ALG5: variants seen among roughly 807,000 people sequenced by gnomAD.
ALG5 encodes the protein dolichyl-phosphate beta-glucosyltransferase.
In ALG5, 26 loss-of-function variants were observed where a neutral mutation model predicts 51.8. The ratio of observed to expected loss-of-function variants is 0.50; its 90% CI spans 0.37 to 0.70. The LOEUF is 0.70. ALG5 is among the 30% of genes least tolerant of loss of function. The pLI is 0.00. For missense variants in ALG5, 311 were observed against 399.3 expected (o/e 0.78, Z 1.88); for synonymous variants, 141 against 136.1 (o/e 1.04, Z -0.25).
intron 6 of ALG5, among the ~76,000 whole-genome samples, chr13:36,977,220 A>ATATC (rs1371865195): frequency 6.6e-6 from 1 of 152,242 alleles, no homozygotes. Context: ...GAAATGAAAG[A>ATATC]TATCTTTGTT....
At chr13:36,992,143 G>C (rs916680212) in intron 4 of ALG5, among the ~76,000 whole-genome samples, 1 of 152,188 alleles carries the variant, frequency 6.6e-6, no homozygotes, top group African/African-American at 2.4e-5. Flanking sequence ...TATTATCTAA[G>C]CCACTCTATG....
At chr13:36,972,118 T>C in intron 6 of ALG5, 82 bp from the exon 7 acceptor site, 1 of 1,111,774 alleles carries the variant, frequency 9.0e-7, no homozygotes, top group East Asian at 2.6e-5. Flanking sequence ...ATATCTCATT[T>C]TTAGAAACTG....
chr13:36,963,104 A>G (rs1204289945), intron 8 of ALG5, among the ~76,000 whole-genome samples: 1 of 152,060 alleles, frequency 6.6e-6, no homozygotes, highest in Admixed American at 6.5e-5. Context: ...ACACCACCAC[A>G]CCAAGCTAAT....
intron 4 of ALG5, among the ~76,000 whole-genome samples, chr13:36,991,061 T>C (rs1410719141): frequency 2.0e-5 from 3 of 152,246 alleles, no homozygotes; most frequent in South Asian, 4.1e-4. Flanking sequence ...TATCATAGCA[T>C]AGGAGATCCT....
At chr13:36,957,667 C>T (rs965854152) in intron 8 of ALG5, among the ~76,000 whole-genome samples, 1 of 152,106 alleles carries the variant, frequency 6.6e-6, no homozygotes, top group Non-Finnish European at 1.5e-5. Flanking sequence ...AAACTCTCCC[C>T]AAAAAGCGGG....
At chr13:36,973,650 A>C (rs2058936677) in intron 6 of ALG5, among the ~76,000 whole-genome samples, 1 of 152,258 alleles carries the variant, frequency 6.6e-6, no homozygotes, top group Admixed American at 6.5e-5. Flanking sequence ...CAAAACTAAA[A>C]GACAAAAAAA....
chr13:36,950,835 C>T (rs2058814998), intron 9 of ALG5, among the ~76,000 whole-genome samples: 1 of 152,084 alleles, frequency 6.6e-6, no homozygotes, highest in Non-Finnish European at 1.5e-5. Context: ...ATCCTCCCAA[C>T]TTAGGCTCCC....
At chr13:36,960,352 T>C (rs1267283894) in intron 8 of ALG5, among the ~76,000 whole-genome samples, 1 of 151,812 alleles carries the variant, frequency 6.6e-6, no homozygotes, top group Admixed American at 6.6e-5. Context: ...CACAAAGAAA[T>C]AGCAAAAAAC....
chr13:36,977,802 A>C (rs1344195795), intron 6 of ALG5, among the ~76,000 whole-genome samples: 4 of 147,032 alleles, frequency 2.7e-5, no homozygotes, highest in South Asian at 2.2e-4. Context: ...AAAAAAAAAA[A>C]AAAAAAAAAA....
At chr13:36,983,894 A>G (rs2058990545) in intron 6 of ALG5, among the ~76,000 whole-genome samples, 1 of 151,958 alleles carries the variant, frequency 6.6e-6, no homozygotes, top group Non-Finnish European at 1.5e-5. Context: ...TTCTAGAAGG[A>G]TATGCAGTGA....
chr13:36,976,663 G>A (rs1363868484), intron 6 of ALG5, among the ~76,000 whole-genome samples: 4 of 151,694 alleles, frequency 2.6e-5, no homozygotes, highest in African/African-American at 4.8e-5. Context: ...CAGGAGAATC[G>A]CTTGAACCTG....
chr13:36,951,234 T>C (rs2058816662), intron 9 of ALG5, among the ~76,000 whole-genome samples: 1 of 152,172 alleles, frequency 6.6e-6, no homozygotes, highest in Non-Finnish European at 1.5e-5. Flanking sequence ...AGAGTCTAGG[T>C]TGGCCAAAGA....
rs750528515 is a variant in ALG5, at chr13:36,999,305, C to A, written c.-5G>T. The A allele has an allele frequency of 6.4e-7, 1 of 1,570,004 alleles. No individual in the cohort carries two copies. The highest frequency in any genetic ancestry group is 1.2e-5 in the South Asian group (1 of 86,628). On this transcript the variant is annotated 5_prime_UTR_variant, in exon 1 of 10. An upstream start codon of the reference 5' UTR is lost. Transcript: ENST00000239891. ...CTGCAACAGAAGCGGAGCCATTCTC[C>A]ATGCCGTGGCAGCCCGCCCAATCCC...
At position 36,978,077 on chromosome 13, in the gene ALG5, G is replaced by A. The variant is rs538793675; in HGVS notation, c.562-6041C>T. ...AATTTTTTGTATTTTTAGTAGAGAC[G>A]GGGTTTCACCATGTTAGCCAGGATG... On this transcript the variant is annotated intron_variant, in intron 6 of 9. Coordinates refer to ENST00000239891, the MANE Select transcript of ALG5 (RefSeq NM_013338.5). Among the ~76,000 whole-genome samples the A allele has an allele frequency of 9.5e-3, 1,438 of 151,014 alleles. 11 individuals carry two copies. Among genetic ancestry groups the A allele is most frequent in the Middle Eastern group, 0.02 (6 of 294 alleles).
At chr13:36,995,321 C>T in intron 2 of ALG5, 104 bp downstream of exon 2, 1 of 1,211,284 alleles carries the variant, frequency 8.3e-7, no homozygotes, top group Non-Finnish European at 1.2e-6. Context: ...CTCAACACAG[C>T]CCACATCTAT....
At chr13:36,970,145 C>T (rs567052727) in intron 7 of ALG5, among the ~76,000 whole-genome samples, 267 of 151,576 alleles carry the variant, frequency 1.8e-3, no homozygotes, top group African/African-American at 6.2e-3. Context: ...TTCTTATCCC[C>T]CGTGCGTTGT....
At chr13:36,960,058 C>T (rs1420657883) in intron 8 of ALG5, among the ~76,000 whole-genome samples, 1 of 151,922 alleles carries the variant, frequency 6.6e-6, no homozygotes, top group East Asian at 1.9e-4. Context: ...AAACAAAAAC[C>T]CCAAACATTT....
At position 36,995,407 on chromosome 13, in the gene ALG5, A is replaced by T. The variant is rs756997588; in HGVS notation, c.238+18T>A. On this transcript the variant is annotated intron_variant, in intron 2 of 9. Transcript: ENST00000239891. ...TTTCCAAACTACCCTTTACCAAAAA[A>T]ATCAAAACAGGGCTTACACCGTTTT... 7.6e-6 allele frequency: 12 copies of T among 1,584,952 alleles called. No homozygotes were observed. Among genetic ancestry groups the T allele is most frequent in the Non-Finnish European group, 1.0e-5 (12 of 1,172,094 alleles).
At chr13:36,960,493 G>A (rs189598309) in intron 8 of ALG5, among the ~76,000 whole-genome samples, 1 of 151,940 alleles carries the variant, frequency 6.6e-6, no homozygotes, top group East Asian at 1.9e-4. Flanking sequence ...TTGAAGCAAA[G>A]TTCATTTCAA....
Sources: allele counts gnomAD v4.1 joint callset (sites outside exome capture counted in the v4.1 genomes callset), GRCh38; gene constraint gnomAD v4.1.1; transcripts MANE v1.5; gene names NCBI Gene and HGNC (gene_info 2026-07-23, HGNC 2026-07-21).